ITSN2: variants seen among roughly 807,000 people sequenced by gnomAD.
ITSN2 encodes the protein intersectin-2.
Under a neutral mutation model 243.7 loss-of-function variants are expected in ITSN2, and 156 were observed. The ratio of observed to expected loss-of-function variants is 0.64; its 90% CI spans 0.56 to 0.73. The LOEUF (loss-of-function observed/expected upper bound fraction) is 0.73, where lower values mean the gene tolerates loss of function less well. Among genes scored for constraint, ITSN2 ranks in the 30% least tolerant of loss-of-function variants. The probability of loss-of-function intolerance (pLI) is 0.00; values close to 1 mark genes in which losing one functional copy is unlikely to be tolerated. For synonymous variants in ITSN2, 703 were observed against 699.9 expected, an observed-to-expected ratio of 1.00 and a Z score of -0.07; for missense variants, 1,801 against 1,996.1, an observed-to-expected ratio of 0.90 and a Z score of 1.86.
At chr2:24,292,816 G>A (rs1343968247) in intron 15 of ITSN2, among the ~76,000 whole-genome samples, 1 of 152,226 alleles carries the variant, frequency 6.6e-6, no homozygotes, top group Non-Finnish European at 1.5e-5. Flanking sequence ...ATGAGGCAGT[G>A]ATTTGGTTTC....
rs1248705158 is a variant in ITSN2, at chr2:24,211,228, G to A, written c.4090-281C>T. Among the ~76,000 whole-genome samples the A allele has an allele frequency of 2.0e-5, 3 of 151,890 alleles. No individual in the cohort carries two copies. The highest frequency in any genetic ancestry group is 4.4e-5 in the Non-Finnish European group (3 of 67,946). ...TCTGGTTGCTCTCCGACTGGCTCCC[G>A]GTAATAGGCGGGAGCCTCCCGACTC... On this transcript the variant is annotated intron_variant, in intron 33 of 39. Coordinates refer to ENST00000355123, the MANE Select transcript of ITSN2 (RefSeq NM_006277.3). The surrounding 1 kb of genome is among the most constrained non-coding windows in gnomAD (Gnocchi z 4.1).
At chr2:24,251,325 T>TTAAAAAAAAAAAAA (rs1309605801) in intron 25 of ITSN2, among the ~76,000 whole-genome samples, 1 of 3,394 alleles carries the variant, frequency 2.9e-4, no homozygotes, top group African/African-American at 8.6e-4. Flanking sequence ...AAAAAAAAAA[T>TTAAAAAAAAAAAAA]AAAATATATA....
At chr2:24,315,319 G>A in intron 2 of ITSN2, 95 bp from the exon 3 acceptor site, 1 of 670,146 alleles carries the variant, frequency 1.5e-6, no homozygotes. Flanking sequence ...TTCATTGTAT[G>A]ACAGTATTTA....
At chr2:24,350,606 GAATAAAC>G (rs1474753417) in intron 1 of ITSN2, among the ~76,000 whole-genome samples, 1 of 152,082 alleles carries the variant, frequency 6.6e-6, no homozygotes, top group East Asian at 1.9e-4. Flanking sequence ...ATGGATGAAT[GAATAAAC>G]AATAAACAAA....
At chr2:24,207,858 T>C (rs891621062) in intron 37 of ITSN2, among the ~76,000 whole-genome samples, 4 of 149,056 alleles carry the variant, frequency 2.7e-5, no homozygotes, top group Middle Eastern at 3.3e-3. Context: ...TAGAGGAGGG[T>C]GAGGAGGAGC....
Position 24,204,721 on chromosome 2 carries a change from C to T in ITSN2, c.4763-303G>A, listed in dbSNP as rs777855325. The T allele has an allele frequency of 8.1e-5, 44 of 545,226 alleles. No homozygotes were observed. Among genetic ancestry groups the T allele is most frequent in the Non-Finnish European group, 1.3e-4 (38 of 285,176 alleles). 33.8% of individuals were successfully genotyped at this position (545,226 alleles called of 1,614,324 possible). A position where few individuals can be genotyped will look rare whatever the true frequency, so the allele number is the denominator to read the frequency against. On this transcript the variant is annotated intron_variant, in intron 38 of 39. Transcript: ENST00000355123. The surrounding 1 kb of genome is among the most constrained non-coding windows in gnomAD (Gnocchi z 5.1). ...CATGCTTCCTCGGCGCAGACACACTCGGGAAGGCGGGCACTGGCACTTACT... is the reference window on the plus strand; with the variant it reads ...CATGCTTCCTCGGCGCAGACACACTTGGGAAGGCGGGCACTGGCACTTACT...
intron 2 of ITSN2, among the ~76,000 whole-genome samples, chr2:24,315,832 G>A (rs1429850524): frequency 6.6e-6 from 1 of 152,132 alleles, no homozygotes; most frequent in African/African-American, 2.4e-5. Context: ...TACACCTTAA[G>A]TTTCCTGAGG....
intron 1 of ITSN2, among the ~76,000 whole-genome samples, chr2:24,336,522 C>A (rs573113898): frequency 6.6e-6 from 1 of 152,176 alleles, no homozygotes; most frequent in Admixed American, 6.5e-5. Flanking sequence ...TTCCATATGT[C>A]CTAAGTATAC....
At chr2:24,325,726 C>G (rs1287432017) in intron 2 of ITSN2, among the ~76,000 whole-genome samples, 1 of 152,198 alleles carries the variant, frequency 6.6e-6, no homozygotes, top group African/African-American at 2.4e-5. Flanking sequence ...ATCCGCTTCC[C>G]CTAACTCATC....
intron 29 of ITSN2, among the ~76,000 whole-genome samples, chr2:24,230,916 T>C (rs1671528268): frequency 1.3e-5 from 2 of 152,064 alleles, no homozygotes; most frequent in Admixed American, 1.3e-4. Flanking sequence ...GCTTCCTCCT[T>C]CTCTCCTGCT....
intron 29 of ITSN2, among the ~76,000 whole-genome samples, chr2:24,237,301 A>C (rs1558464304): frequency 6.6e-6 from 1 of 152,234 alleles, no homozygotes; most frequent in Non-Finnish European, 1.5e-5. Flanking sequence ...AGATGGTTGC[A>C]GAGCCAAAAT....
rs551336167 is a variant in ITSN2 at position 24,227,792 on chromosome 2, G to A, written c.3578-6726C>T. Among the ~76,000 whole-genome samples the A allele has an allele frequency of 9.9e-4, 150 of 152,208 alleles. 1 individual carries two copies. Among genetic ancestry groups the A allele is most frequent in the African/African-American group, 3.5e-3 (146 of 41,536 alleles). ...AAATTAGCGGGGCATGGTGGCGGGT[G>A]CCTGTAATCCCAGCTACTCAGGAGG... On this transcript the variant is annotated intron_variant, in intron 29 of 39. Transcript: ENST00000355123.
At chr2:24,277,006 T>C (rs1156942024) in intron 17 of ITSN2, among the ~76,000 whole-genome samples, 1 of 152,180 alleles carries the variant, frequency 6.6e-6, no homozygotes, top group African/African-American at 2.4e-5. Flanking sequence ...AAGCTGAATG[T>C]TCAATATCAT....
At chr2:24,314,982 A>T in intron 3 of ITSN2, 150 bp downstream of exon 3, 1 of 439,312 alleles carries the variant, frequency 2.3e-6, no homozygotes, top group East Asian at 3.4e-5. Flanking sequence ...CAGGAAAAAT[A>T]AAGTTAGCAT....
intron 29 of ITSN2, among the ~76,000 whole-genome samples, chr2:24,234,540 G>A (rs1671940009): frequency 6.6e-6 from 1 of 152,140 alleles, no homozygotes; most frequent in African/African-American, 2.4e-5. Flanking sequence ...TGCAAAAGAT[G>A]TGGTCAAGAG....
At chr2:24,360,195 T>C (rs1021506638) in intron 1 of ITSN2, 109 bp downstream of exon 1, 1 of 152,304 alleles carries the variant, frequency 6.6e-6, no homozygotes, top group Non-Finnish European at 1.5e-5. Flanking sequence ...GTCCCCATCG[T>C]GCGGAGCGCA....
intron 30 of ITSN2, chr2:24,220,666 C>T (rs1014292763): frequency 8.7e-6 from 11 of 1,269,908 alleles, no homozygotes; most frequent in African/African-American, 1.6e-5. Flanking sequence ...CTGCCACATC[C>T]AACGAAGCCA....
At chr2:24,360,878 G>A (rs573790263), upstream of ITSN2, among the ~76,000 whole-genome samples, 2 of 152,338 alleles carry the variant, frequency 1.3e-5, no homozygotes, top group East Asian at 3.9e-4. Flanking sequence ...CCCAAGCAGT[G>A]CCTGCCACAT....
intron 17 of ITSN2, among the ~76,000 whole-genome samples, chr2:24,282,773 G>A (rs930897440): frequency 4.6e-5 from 7 of 152,126 alleles, no homozygotes; most frequent in African/African-American, 1.7e-4. Context: ...AACCTTTCCC[G>A]TTTTACTGTC....
Sources: gnomAD v4.1 joint callset for allele counts (sites outside exome capture counted in the v4.1 genomes callset) on GRCh38, gnomAD v4.1.1 for gene constraint, Gnocchi (gnomAD v3.1) non-coding constraint, MANE v1.5 for transcripts, NCBI Gene and HGNC (gene_info 2026-07-23, HGNC 2026-07-21) for gene names.